ADGRV1: variants seen among roughly 807,000 people sequenced by gnomAD.
ADGRV1 encodes G-protein coupled receptor 98.
In ADGRV1, 359 loss-of-function variants were observed where a neutral mutation model predicts 596.2. That is an observed-to-expected ratio of 0.60 (90% CI 0.55 to 0.66). ADGRV1 has a LOEUF of 0.66. ADGRV1 is among the 30% of genes least tolerant of loss of function. ADGRV1 has a pLI of 0.00. For missense variants in ADGRV1, 7,274 were observed against 7,575.6 expected (o/e 0.96, Z 1.48); for synonymous variants, 2,681 against 2,679.2 (o/e 1.00, Z -0.02).
At chr5:90,711,421 T>C (rs1388259754) in intron 41 of ADGRV1, 99 bp downstream of exon 41, 5 of 889,796 alleles carry the variant, frequency 5.6e-6, no homozygotes, top group Non-Finnish European at 8.0e-6. Flanking sequence ...AAATAAATTA[T>C]TCTTAAAAAC....
chr5:90,564,498 GAAAGA>G (rs1468606232), intron 1 of ADGRV1, among the ~76,000 whole-genome samples: 1 of 152,164 alleles, frequency 6.6e-6, no homozygotes. Context: ...TGGAAATGTT[GAAAGA>G]AGAGAAAGAG....
chr5:90,638,056 T>C, intron 11 of ADGRV1, 108 bp downstream of exon 11: 2 of 773,434 alleles, frequency 2.6e-6, no homozygotes, highest in South Asian at 2.1e-5. Context: ...AAAAAAAAAG[T>C]CAAGTAAATA....
At chr5:90,850,092 C>T (rs996516733) in intron 79 of ADGRV1, among the ~76,000 whole-genome samples, 3 of 152,176 alleles carry the variant, frequency 2.0e-5, no homozygotes, top group African/African-American at 7.2e-5. Context: ...CAACCCCAGA[C>T]TTACTTGAGT....
At chr5:90,742,223 A>G (rs1280331573) in intron 50 of ADGRV1, among the ~76,000 whole-genome samples, 1 of 152,230 alleles carries the variant, frequency 6.6e-6, no homozygotes, top group Non-Finnish European at 1.5e-5. Context: ...TAAATGGATA[A>G]CTGCTATGAA....
rs1754459447 is a variant in ADGRV1 at position 90,745,089 on chromosome 5, C to G, written c.10593C>G (p.Cys3531Trp). The G allele has an allele frequency of 1.2e-6, 2 of 1,613,770 alleles. No individual in the cohort carries two copies. The highest frequency in any genetic ancestry group is 8.5e-7 in the Non-Finnish European group (1 of 1,179,762). Residue 3531 changes from cysteine to tryptophan, a missense_variant, in exon 51 of 90, where the codon TGC (cysteine) becomes TGG (tryptophan). Physicochemically the swap from Cys to Trp is radical, Grantham distance 215 (BLOSUM62 -2). Transcript: ENST00000405460. Reference sequence around the variant, plus strand: ...GCCAAGATATGTCTGCTCTTTACTGCTGGAATTCGGAGCGTAATCAATTCT... The same window carrying G: ...GCCAAGATATGTCTGCTCTTTACTGGTGGAATTCGGAGCGTAATCAATTCT... ...LIGQDMSALYCWNSERNQFSF... is the reference protein window; with the variant it reads ...LIGQDMSALYWWNSERNQFSF...
chr5:91,110,055 G>A (rs1472905201), intron 87 of ADGRV1, among the ~76,000 whole-genome samples: 1 of 152,020 alleles, frequency 6.6e-6, no homozygotes, highest in African/African-American at 2.4e-5. Context: ...TCTCTATATT[G>A]TCCACAAGAA....
chr5:91,140,101 C>T (rs1794970666), intron 87 of ADGRV1, among the ~76,000 whole-genome samples: 1 of 152,236 alleles, frequency 6.6e-6, no homozygotes, highest in Admixed American at 6.5e-5. Flanking sequence ...TTCACCACTA[C>T]ACAGCTATTT....
chr5:91,076,530 C>T (rs1358861332), intron 86 of ADGRV1, among the ~76,000 whole-genome samples: 1 of 151,828 alleles, frequency 6.6e-6, no homozygotes, highest in Non-Finnish European at 1.5e-5. Flanking sequence ...CATCAATGTA[C>T]CACAAAATTA....
In ADGRV1 at chr5:90,797,884, A is replaced by G. The variant is rs373901169; in HGVS notation, c.14518-4855A>G. ...AAAGATATTCTTTGAAACCAATGAG[A>G]ACAAAGACACAATGTACCAGAATCT... is the stretch of plus-strand genomic sequence containing the variant. On this transcript the variant is annotated intron_variant, in intron 70 of 89. Transcript: ENST00000405460. Among the ~76,000 whole-genome samples the G allele has an allele frequency of 2.9e-4, 44 of 152,346 alleles. 1 individual carries two copies. In the South Asian group the frequency reaches 9.1e-3, roughly 32 times the overall value.
At chr5:90,822,425 C>T (rs1216236147) in intron 75 of ADGRV1, among the ~76,000 whole-genome samples, 1 of 152,192 alleles carries the variant, frequency 6.6e-6, no homozygotes, top group Non-Finnish European at 1.5e-5. Flanking sequence ...CCTATTCGGC[C>T]ATCTTGGCTC....
chr5:90,690,186 A>C (rs1746286620), intron 30 of ADGRV1, 110 bp downstream of exon 30: 1 of 663,546 alleles, frequency 1.5e-6, no homozygotes, highest in Non-Finnish European at 2.6e-6. Flanking sequence ...TTTCTTTCTT[A>C]ACCTGCTGTT....
intron 59 of ADGRV1, 87 bp downstream of exon 59, chr5:90,763,556 A>G (rs1298762667): frequency 6.6e-6 from 9 of 1,366,588 alleles, no homozygotes; most frequent in Middle Eastern, 4.3e-4. Flanking sequence ...CAGGGAGCAC[A>G]TGTGCAGGTT....
intron 83 of ADGRV1, among the ~76,000 whole-genome samples, chr5:90,936,156 G>T (rs1339057808): frequency 6.6e-6 from 1 of 152,150 alleles, no homozygotes; most frequent in African/African-American, 2.4e-5. Context: ...GCAATGTTCT[G>T]CAGTATTCTT....
At chr5:90,980,038 G>A (rs575042312) in intron 84 of ADGRV1, among the ~76,000 whole-genome samples, 6 of 152,284 alleles carry the variant, frequency 3.9e-5, no homozygotes, top group Admixed American at 2.0e-4. Flanking sequence ...TTCAAAAATA[G>A]CATTACATAG....
intron 74 of ADGRV1, among the ~76,000 whole-genome samples, chr5:90,814,237 T>C (rs1174197124): frequency 1.3e-5 from 2 of 152,182 alleles, no homozygotes; most frequent in East Asian, 3.8e-4. Context: ...GCCCATCACT[T>C]GCATGTCCCT....
At chr5:90,664,468 C>T (rs1296905645) in intron 21 of ADGRV1, among the ~76,000 whole-genome samples, 8 of 150,460 alleles carry the variant, frequency 5.3e-5, no homozygotes, top group African/African-American at 2.0e-4. Flanking sequence ...GATTTTGTAT[C>T]CTGAGACTTT....
intron 83 of ADGRV1, among the ~76,000 whole-genome samples, chr5:90,948,926 T>C (rs1389195249): frequency 6.6e-6 from 1 of 151,920 alleles, no homozygotes; most frequent in Non-Finnish European, 1.5e-5. Context: ...CGGGGCCGTC[T>C]GTGTATAAAA....
chr5:91,031,299 C>T (rs1290287790), intron 85 of ADGRV1: 1 of 1,491,448 alleles, frequency 6.7e-7, no homozygotes, highest in Non-Finnish European at 9.3e-7. Context: ...TGATTTCAAA[C>T]ATAGTAAAAT....
chr5:91,014,411 C>A (rs1300946204), intron 85 of ADGRV1, among the ~76,000 whole-genome samples: 1 of 151,962 alleles, frequency 6.6e-6, no homozygotes, highest in African/African-American at 2.4e-5. Context: ...GAGAGGAGTC[C>A]TTCCTCCTCA....
Sources: gnomAD v4.1 joint callset for allele counts (sites outside exome capture counted in the v4.1 genomes callset) on GRCh38, gnomAD v4.1.1 for gene constraint, MANE v1.5 for transcripts, NCBI Gene and HGNC (gene_info 2026-07-23, HGNC 2026-07-21) for gene names.